RBFOX1: variants seen among roughly 807,000 people sequenced by gnomAD.
RBFOX1 encodes RNA binding protein fox-1 homolog 1.
RBFOX1 carries 8 observed loss-of-function variants against 57.7 expected under a neutral mutation model. The observed-to-expected ratio is 0.14, with a 90% CI of 0.08 to 0.25. RBFOX1 has a LOEUF of 0.25. Ranked by LOEUF, RBFOX1 falls within the 10% of genes least tolerant of loss-of-function variation. The pLI, the probability that RBFOX1 is intolerant of heterozygous loss-of-function variation, is 1.00. For missense variants in RBFOX1, 611 were observed against 548.5 expected, an observed-to-expected ratio of 1.11 and a Z score of -1.14; for synonymous variants, 326 against 222.4, an observed-to-expected ratio of 1.47 and a Z score of -4.15.
chr16:7,367,091 GT>G (rs2097466285), intron 4 of RBFOX1, among the ~76,000 whole-genome samples: 1 of 151,014 alleles, frequency 6.6e-6, no homozygotes, highest in Admixed American at 6.6e-5. Flanking sequence ...ACAATATGGT[GT>G]CAGTGAATCA....
chr16:7,372,433 C>G (rs2097584691), intron 4 of RBFOX1, among the ~76,000 whole-genome samples: 1 of 152,132 alleles, frequency 6.6e-6, no homozygotes, highest in Admixed American at 6.5e-5. Context: ...CTCTTTATTT[C>G]TTTTATTTAT....
intron 3 of RBFOX1, among the ~76,000 whole-genome samples, chr16:6,800,279 C>T (rs529962336): frequency 2.0e-5 from 3 of 150,440 alleles, no homozygotes; most frequent in Admixed American, 1.3e-4. Context: ...AAACCCAGCA[C>T]CCTGGAAACA....
intron 4 of RBFOX1, among the ~76,000 whole-genome samples, chr16:7,292,882 T>C (rs118131590): frequency 6.6e-6 from 1 of 152,080 alleles, no homozygotes; most frequent in Non-Finnish European, 1.5e-5. Context: ...GGATAAGAGA[T>C]GATCCCCTCA....
intron 2 of RBFOX1, among the ~76,000 whole-genome samples, chr16:6,429,094 G>C (rs566815102): frequency 2.0e-5 from 3 of 152,228 alleles, no homozygotes; most frequent in African/African-American, 4.8e-5. Flanking sequence ...TTGTGTGGGG[G>C]ATTAAGGAGC....
At position 6,957,441 on chromosome 16, in the gene RBFOX1, A is replaced by G. The variant is rs548126046; in HGVS notation, c.-15-94616A>G. 4.6e-5 allele frequency among the ~76,000 whole-genome samples: 7 copies of G among 152,190 alleles called. No homozygotes were observed. In the South Asian group the frequency reaches 8.3e-4, roughly 18 times the overall value. On this transcript the variant is annotated intron_variant, in intron 3 of 15. Coordinates refer to ENST00000550418, the MANE Select transcript of RBFOX1 (RefSeq NM_018723.4). Reference sequence around the variant, plus strand: ...TCATGATATGCTAAACAAGGGGTGGATTATTCATGCCTCCGCTTGTTAGAC... The same window carrying G: ...TCATGATATGCTAAACAAGGGGTGGGTTATTCATGCCTCCGCTTGTTAGAC...
rs533166122 is a variant in RBFOX1 at position 6,391,332 on chromosome 16, A to G, written c.-64+74275A>G. 2.0e-5 allele frequency among the ~76,000 whole-genome samples: 3 copies of G among 152,034 alleles called. No homozygotes were observed. In the South Asian group the frequency reaches 6.2e-4, roughly 32 times the overall value. On this transcript the variant is annotated intron_variant, in intron 2 of 15. Transcript: ENST00000550418. ...AGACCATCCTGGCTAACACGGTGAA[A>G]CCCCGTCTCTACTAAAAATACAAAA...
intron 3 of RBFOX1, among the ~76,000 whole-genome samples, chr16:6,772,301 A>T (rs904321121): frequency 6.6e-6 from 1 of 152,182 alleles, no homozygotes; most frequent in Non-Finnish European, 1.5e-5. Flanking sequence ...TGACCCTAGT[A>T]CAGAGGAAGG....
intron 3 of RBFOX1, among the ~76,000 whole-genome samples, chr16:5,820,746 T>A (rs767594608): frequency 6.6e-5 from 10 of 152,124 alleles, no homozygotes; most frequent in Non-Finnish European, 1.0e-4. Context: ...CCCCCGTCTG[T>A]CTCCTGTGCT....
At chr16:5,594,815 T>C (rs926200768) in intron 2 of RBFOX1, among the ~76,000 whole-genome samples, 5 of 151,924 alleles carry the variant, frequency 3.3e-5, no homozygotes, top group South Asian at 2.1e-4. Context: ...TACTTTTACA[T>C]GTCTATGTAA....
At chr16:5,728,689 C>T (rs550615757) in intron 3 of RBFOX1, among the ~76,000 whole-genome samples, 2 of 152,228 alleles carry the variant, frequency 1.3e-5, no homozygotes, top group East Asian at 1.9e-4. Flanking sequence ...CTTTGTCTGG[C>T]CGCCCCTCCC....
intron 4 of RBFOX1, among the ~76,000 whole-genome samples, chr16:7,068,766 T>C (rs1307542437): frequency 2.0e-5 from 3 of 152,086 alleles, no homozygotes; most frequent in Non-Finnish European, 4.4e-5. Context: ...TTTTTGTATT[T>C]TTAGCAGAGA....
intron 1 of RBFOX1, among the ~76,000 whole-genome samples, chr16:6,172,020 A>C (rs933777256): frequency 6.6e-6 from 1 of 151,776 alleles, no homozygotes; most frequent in Admixed American, 6.6e-5. Flanking sequence ...ATGGGGTTTC[A>C]CTGTGTTAGG....
chr16:5,407,471 T>C (rs1164397571), intron 1 of RBFOX1, among the ~76,000 whole-genome samples: 1 of 152,056 alleles, frequency 6.6e-6, no homozygotes, highest in Non-Finnish European at 1.5e-5. Context: ...TGAGGAAGGC[T>C]TGTGGACGGA....
chr16:7,303,862 C>G (rs2096096511), intron 4 of RBFOX1, among the ~76,000 whole-genome samples: 2 of 150,828 alleles, frequency 1.3e-5, no homozygotes, highest in African/African-American at 4.9e-5. Flanking sequence ...CTCCCTCCCT[C>G]TCGCTATCCT....
intron 4 of RBFOX1, among the ~76,000 whole-genome samples, chr16:7,470,167 A>G (rs921874764): frequency 6.6e-5 from 10 of 152,214 alleles, no homozygotes; most frequent in Admixed American, 6.5e-4. Context: ...TCTTAATCTG[A>G]CTGTATACCC....
chr16:7,702,735 G>C (rs952676364), intron 14 of RBFOX1, among the ~76,000 whole-genome samples: 5 of 152,160 alleles, frequency 3.3e-5, no homozygotes, highest in African/African-American at 1.2e-4. Flanking sequence ...AGAACACTTG[G>C]TCTGGAATGT....
Position 6,896,985 on chromosome 16 carries a change from C to T in RBFOX1, c.-15-155072C>T, listed in dbSNP as rs535603579. 8.5e-5 allele frequency among the ~76,000 whole-genome samples: 13 copies of T among 152,310 alleles called. No individual in the cohort carries two copies. The South Asian group carries it at 1.5e-3, about 17-fold the overall frequency. On this transcript the variant is annotated intron_variant, in intron 3 of 15. Coordinates refer to ENST00000550418, the MANE Select transcript of RBFOX1 (RefSeq NM_018723.4). ...GCTGACAGGCCGTCTAAGGAAATGT[C>T]GTGGCTAACAGCAGCAGGGGACGCA...
chr16:5,986,484 G>C (rs1466006761), intron 4 of RBFOX1, among the ~76,000 whole-genome samples: 1 of 152,146 alleles, frequency 6.6e-6, no homozygotes, highest in Non-Finnish European at 1.5e-5. Context: ...AATATCTTAA[G>C]ATATCGAATC....
At chr16:7,222,684 G>A (rs1487990387) in intron 4 of RBFOX1, among the ~76,000 whole-genome samples, 1 of 152,192 alleles carries the variant, frequency 6.6e-6, no homozygotes, top group African/African-American at 2.4e-5. Flanking sequence ...AGGTTGTCGT[G>A]CAAATTACAT....
Sources: allele counts gnomAD v4.1 joint callset (sites outside exome capture counted in the v4.1 genomes callset), GRCh38; gene constraint gnomAD v4.1.1; transcripts MANE v1.5; gene names NCBI Gene and HGNC (gene_info 2026-07-23, HGNC 2026-07-21).